Variants in HACD4 observed in about 807,000 individuals in gnomAD.
HACD4 encodes very-long-chain (3R)-3-hydroxyacyl-CoA dehydratase 4.
In HACD4, 35 loss-of-function variants were observed where a neutral mutation model predicts 33.3. The ratio of observed to expected loss-of-function variants is 1.05; its 90% CI spans 0.80 to 1.39. HACD4 has a LOEUF of 1.39. Ranked by LOEUF, HACD4 falls within the 40% of genes most tolerant of loss-of-function variation. The probability of loss-of-function intolerance (pLI) is 0.00; values close to 1 mark genes in which losing one functional copy is unlikely to be tolerated. For missense variants in HACD4, 323 were observed against 276.5 expected, an observed-to-expected ratio of 1.17 and a Z score of -1.19; for synonymous variants, 118 against 98.0, an observed-to-expected ratio of 1.20 and a Z score of -1.21.
At chr9:21,022,990 T>G (rs1817962087) in intron 3 of HACD4, among the ~76,000 whole-genome samples, 1 of 152,118 alleles carries the variant, frequency 6.6e-6, no homozygotes, top group South Asian at 2.1e-4. Context: ...AATGATAGAC[T>G]GGATTAAGAA....
chr9:21,028,164 GA>G (rs999453962), intron 2 of HACD4, among the ~76,000 whole-genome samples: 8 of 144,626 alleles, frequency 5.5e-5, no homozygotes, highest in Admixed American at 1.4e-4. Flanking sequence ...AAAAAGAAAA[GA>G]AAAAAAAAGA....
At position 21,031,535 on chromosome 9, in the gene HACD4, T is replaced by C. The variant is rs1240067408; in HGVS notation, c.38+18A>G. The C allele has an allele frequency of 6.8e-7, 1 of 1,463,744 alleles. No individual in the cohort carries two copies. The highest frequency in any genetic ancestry group is 9.0e-7 in the Non-Finnish European group (1 of 1,114,748). 90.7% of individuals were successfully genotyped at this position (1,463,744 alleles called of 1,614,324 possible). On this transcript the variant is annotated intron_variant, in intron 1 of 6. Coordinates refer to ENST00000495827, the MANE Select transcript of HACD4 (RefSeq NM_001010915.5). ...CCACCCGCGCCCCCTCCCCTCGGGA[T>C]TCGGCCGAGCGCCCTACCTGGGCTG...
chr9:21,030,017 T>C (rs977106125), intron 1 of HACD4, among the ~76,000 whole-genome samples: 5 of 152,216 alleles, frequency 3.3e-5, no homozygotes, highest in African/African-American at 9.7e-5. Flanking sequence ...ACCATCTGTA[T>C]AGTGAGTTTG....
In HACD4 at chr9:20,999,756, T is replaced by A. The variant is rs1842138571; in HGVS notation, c.*7281A>T. On this transcript the variant is annotated 3_prime_UTR_variant, in exon 7 of 7. Transcript: ENST00000495827. Reference sequence around the variant, plus strand: ...TTAAAGATAGAGTTGCACACACAATTATGGGTGTCTATTATGTGCCACTAT... The same window carrying A: ...TTAAAGATAGAGTTGCACACACAATAATGGGTGTCTATTATGTGCCACTAT... 6.6e-6 allele frequency: 1 copy of A among 152,180 alleles called. No individual in the cohort carries two copies. Among genetic ancestry groups the A allele is most frequent in the Non-Finnish European group, 1.5e-5 (1 of 68,028 alleles). The allele number at this position is 152,180 out of a possible 1,614,324, so 9.4% of individuals were successfully genotyped here. A position where few individuals can be genotyped will look rare whatever the true frequency, so the allele number is the denominator to read the frequency against.
chr9:21,007,041 A>G lies in HACD4; in HGVS notation c.695T>C (p.Met232Thr). The G allele has an allele frequency of 2.6e-6, 4 of 1,553,884 alleles. No homozygotes were observed. The highest frequency in any genetic ancestry group is 3.6e-6 in the Non-Finnish European group (4 of 1,125,596). ...LGIFPIKKKK[M>T] ...GTCACACTGGAATGCTGTACTTCAC[A>G]TCTTCTTTTTTTTAATGGGAAAGAT... The change falls in exon 7 of 7, where the codon ATG becomes ACG. Residue 232 changes from methionine (M) to threonine (T), a missense_variant. Physicochemically the swap from Met to Thr is moderately conservative, Grantham distance 81. Transcript: ENST00000495827.
Position 21,006,986 on chromosome 9 carries a change from G to A in HACD4, c.*51C>T, listed in dbSNP as rs551898516. The A allele has an allele frequency of 3.0e-6, 3 of 991,470 alleles. No individual in the cohort carries two copies. The highest frequency in any genetic ancestry group is 4.8e-5 in the East Asian group (2 of 41,974). 61.4% of individuals were successfully genotyped at this position (991,470 alleles called of 1,614,324 possible). On this transcript the variant is annotated 3_prime_UTR_variant, in exon 7 of 7. Coordinates refer to ENST00000495827, the MANE Select transcript of HACD4 (RefSeq NM_001010915.5). This position sits in a 1 kb window ranked among gnomAD's most constrained non-coding sequence, Gnocchi z 4.6. ...GAATACTTCCTGTGTTTTATTTACTGCACTGAATCCACAGCCTGTCTTTTC... is the reference window on the plus strand; with the variant it reads ...GAATACTTCCTGTGTTTTATTTACTACACTGAATCCACAGCCTGTCTTTTC...
At chr9:21,012,977 G>T (rs948715486) in intron 4 of HACD4, among the ~76,000 whole-genome samples, 1 of 151,246 alleles carries the variant, frequency 6.6e-6, no homozygotes, top group Non-Finnish European at 1.5e-5. Context: ...TGAGACAGGG[G>T]CATCACTTGA....
intron 1 of HACD4, among the ~76,000 whole-genome samples, 165 bp from the exon 2 acceptor site, chr9:21,029,563 A>T (rs932728245): frequency 2.0e-5 from 3 of 152,206 alleles, no homozygotes; most frequent in Non-Finnish European, 2.9e-5. Context: ...TTTTGAAGGG[A>T]GCCATAACCT....
At chr9:21,008,773 C>T (rs769310196) in intron 5 of HACD4, among the ~76,000 whole-genome samples, 12 of 152,030 alleles carry the variant, frequency 7.9e-5, no homozygotes, top group Non-Finnish European at 1.6e-4. Flanking sequence ...TTTTTGGTAA[C>T]ATTTCATGCA....
At chr9:21,031,360 T>C in intron 1 of HACD4, 193 bp downstream of exon 1, 2 of 656,080 alleles carry the variant, frequency 3.0e-6, no homozygotes, top group Non-Finnish European at 3.8e-6. Context: ...TAACAGAGCC[T>C]GCTTCCTAGG....
At chr9:21,023,167 A>G (rs1319012466) in intron 3 of HACD4, among the ~76,000 whole-genome samples, 2 of 142,010 alleles carry the variant, frequency 1.4e-5, no homozygotes. Flanking sequence ...GAACTGAACA[A>G]TGAGAACACT....
At chr9:21,024,952 A>G (rs1818025267) in intron 3 of HACD4, among the ~76,000 whole-genome samples, 1 of 152,158 alleles carries the variant, frequency 6.6e-6, no homozygotes, top group Non-Finnish European at 1.5e-5. Context: ...ACATTATGGG[A>G]TGCTGGTACT....
At chr9:21,025,470 T>G in intron 3 of HACD4, among the ~76,000 whole-genome samples, 1 of 152,168 alleles carries the variant, frequency 6.6e-6, no homozygotes, top group East Asian at 1.9e-4. Flanking sequence ...TTCATTATTT[T>G]TACAATGTGA....
In HACD4 at chr9:21,000,002, A is replaced by G. The variant is rs546761700; in HGVS notation, c.*7035T>C. 6.6e-6 allele frequency: 1 copy of G among 152,326 alleles called. No homozygotes were observed. The highest frequency in any genetic ancestry group is 2.4e-5 in the African/African-American group (1 of 41,586). 9.4% of individuals were successfully genotyped at this position (152,326 alleles called of 1,614,324 possible). On this transcript the variant is annotated 3_prime_UTR_variant, in exon 7 of 7. Coordinates refer to ENST00000495827, the MANE Select transcript of HACD4 (RefSeq NM_001010915.5). ...AGTGGTTAAGGAAACTGGAACTCAAAGAGTCATTCAGTTAGTAAATAATGG... is the reference window on the plus strand; with the variant it reads ...AGTGGTTAAGGAAACTGGAACTCAAGGAGTCATTCAGTTAGTAAATAATGG...
rs751798439 is a variant in HACD4, at chr9:21,026,667, C to T, written c.199G>A (p.Val67Ile). Reference sequence around the variant, plus strand: ...ATGTGCAGCAGTTCCAGGAGAGATACGGATTGGCAAAGTCGCATCACAAGT... The same window carrying T: ...ATGTGCAGCAGTTCCAGGAGAGATATGGATTGGCAAAGTCGCATCACAAGT... Reference protein sequence around the residue: ...IGLVMRLCQSVSLLELLHIYV... With the variant: ...IGLVMRLCQSISLLELLHIYV... The change falls in exon 3 of 7, where the codon GTA becomes ATA. Residue 67 changes from valine to isoleucine, a missense_variant. Val to Ile is a conservative substitution (Grantham distance 29). Coordinates refer to ENST00000495827, the MANE Select transcript of HACD4 (RefSeq NM_001010915.5). 63 of 1,612,632 alleles carry T rather than the reference C, an allele frequency of 3.9e-5. No individual in the cohort carries two copies. Among genetic ancestry groups the T allele is most frequent in the Middle Eastern group, 1.6e-4 (1 of 6,080 alleles).
chr9:21,022,114 A>T (rs1817929730), intron 3 of HACD4, among the ~76,000 whole-genome samples: 1 of 152,246 alleles, frequency 6.6e-6, no homozygotes, highest in African/African-American at 2.4e-5. Context: ...AACCTGACAA[A>T]AACAACAAAT....
At position 20,999,668 on chromosome 9, in the gene HACD4, T is replaced by C. The variant is rs1842137416; in HGVS notation, c.*7369A>G. On this transcript the variant is annotated 3_prime_UTR_variant, in exon 7 of 7. Coordinates refer to ENST00000495827, the MANE Select transcript of HACD4 (RefSeq NM_001010915.5). ...GAACGCTTTGAGATACAATTGAAAT[T>C]CATTACCTAATTAAGCCGATAGATT... 6.6e-6 allele frequency: 1 copy of C among 152,194 alleles called. No homozygotes were observed. Among genetic ancestry groups the C allele is most frequent in the African/African-American group, 2.4e-5 (1 of 41,454 alleles). The allele number at this position is 152,194 out of a possible 1,614,324, so 9.4% of individuals were successfully genotyped here.
rs983196020 is a variant in HACD4 at position 21,006,422 on chromosome 9, T to C, written c.*615A>G. The C allele has an allele frequency of 2.6e-5, 4 of 153,150 alleles. No homozygotes were observed. Among genetic ancestry groups the C allele is most frequent in the Non-Finnish European group, 4.4e-5 (3 of 68,860 alleles). The allele number at this position is 153,150 out of a possible 1,614,324, so 9.5% of individuals were successfully genotyped here. A position where few individuals can be genotyped will look rare whatever the true frequency, so the allele number is the denominator to read the frequency against. On this transcript the variant is annotated 3_prime_UTR_variant, in exon 7 of 7. Transcript: ENST00000495827. The surrounding 1 kb of genome is among the most constrained non-coding windows in gnomAD (Gnocchi z 4.6). ...GAGCGGAATTCCCAGCCTCCAGAAC[T>C]GTGAGAAGCGTTTGCTGTTGTTTAA...
intron 5 of HACD4, among the ~76,000 whole-genome samples, chr9:21,008,988 G>A (rs1842343136): frequency 6.6e-6 from 1 of 152,104 alleles, no homozygotes; most frequent in African/African-American, 2.4e-5. Flanking sequence ...TAGCATCAGT[G>A]AAGGATCTGC....
Sources: allele counts gnomAD v4.1 joint callset (sites outside exome capture counted in the v4.1 genomes callset), GRCh38; gene constraint gnomAD v4.1.1; non-coding constraint Gnocchi (gnomAD v3.1); transcripts MANE v1.5; gene names NCBI Gene and HGNC (gene_info 2026-07-23, HGNC 2026-07-21).